The following ZBTB46 variants were observed in gnomAD, a reference collection of about 807,000 sequenced individuals.
ZBTB46 encodes zinc finger and BTB domain-containing protein 46.
ZBTB46 carries 8 observed loss-of-function variants against 44.1 expected under a neutral mutation model. The observed-to-expected ratio is 0.18, with a 90% CI of 0.11 to 0.33. The LOEUF is 0.33. ZBTB46 is among the 10% of genes least tolerant of loss of function. The pLI, the probability that ZBTB46 is intolerant of heterozygous loss-of-function variation, is 1.00. For missense variants in ZBTB46, 651 were observed against 847.7 expected, an observed-to-expected ratio of 0.77 and a Z score of 2.88; for synonymous variants, 409 against 382.3, an observed-to-expected ratio of 1.07 and a Z score of -0.81.
At position 63,782,096 on chromosome 20, in the gene ZBTB46, A is replaced by AAAAAAAAAAAAAAAAAAG. The variant is rs1386082316; in HGVS notation, c.938-6135_938-6134insCTTTTTTTTTTTTTTTTT. ...AGCAAGACTCCGTCTCAAAAAAAAA[A>AAAAAAAAAAAAAAAAAAG]AAAAGAAAAGAGGCGTGGCGATTTT... On this transcript the variant is annotated intron_variant, in intron 2 of 4. Transcript: ENST00000245663. Among the ~76,000 whole-genome samples the AAAAAAAAAAAAAAAAAAG allele has an allele frequency of 2.4e-4, 30 of 124,958 alleles. 1 individual carries two copies. The highest frequency in any genetic ancestry group is 3.2e-4 in the Non-Finnish European group (19 of 59,626). The allele number at this position is 124,958 out of a possible 152,430, so 82.0% of individuals were successfully genotyped here.
chr20:63,822,439 G>A (rs753377046), intron 1 of ZBTB46, among the ~76,000 whole-genome samples: 4 of 152,212 alleles, frequency 2.6e-5, no homozygotes, highest in African/African-American at 4.8e-5. Context: ...CCCTGGGACT[G>A]ATGGGCTCTA....
At position 63,767,864 on chromosome 20, in the gene ZBTB46, ACTC is replaced by A; in HGVS notation, c.1222+7811_1222+7813del. On this transcript the variant is annotated intron_variant, in intron 3 of 4. Transcript: ENST00000245663. This position sits in a 1 kb window ranked among gnomAD's most constrained non-coding sequence, Gnocchi z 5.0. ...CCATCCAGGCCTGGGCTGGAAGAAG[ACTC>A]CTCAGGCATCCTGGACAGGCCACAG... 1 of 984,154 alleles carries A rather than the reference ACTC, an allele frequency of 1.0e-6. No individual in the cohort carries two copies. The highest frequency in any genetic ancestry group is 1.2e-6 in the Non-Finnish European group (1 of 829,020). The allele number at this position is 984,154 out of a possible 1,614,324, so 61.0% of individuals were successfully genotyped here. A position where few individuals can be genotyped will look rare whatever the true frequency, so the allele number is the denominator to read the frequency against.
chr20:63,763,564 G>A (rs187229960), intron 3 of ZBTB46, among the ~76,000 whole-genome samples: 20 of 152,206 alleles, frequency 1.3e-4, no homozygotes, highest in African/African-American at 3.1e-4. Context: ...TTAATCGACC[G>A]GATCTTGTGA....
intron 1 of ZBTB46, among the ~76,000 whole-genome samples, chr20:63,830,644 G>C (rs1280800548): frequency 2.7e-5 from 4 of 149,238 alleles, no homozygotes; most frequent in African/African-American, 9.8e-5. Context: ...GGCGGGGGGC[G>C]CCAAGACGCC....
intron 3 of ZBTB46, among the ~76,000 whole-genome samples, chr20:63,756,384 A>G (rs2092220580): frequency 6.6e-6 from 1 of 152,228 alleles, no homozygotes; most frequent in Non-Finnish European, 1.5e-5. Context: ...AGTCTTCATC[A>G]CAAAACCATC....
chr20:63,830,463 G>A (rs2092843196), intron 1 of ZBTB46, among the ~76,000 whole-genome samples: 1 of 150,634 alleles, frequency 6.6e-6, no homozygotes, highest in African/African-American at 2.4e-5. Flanking sequence ...GCCCCGGTTC[G>A]GCCGGCGATT....
intron 1 of ZBTB46, among the ~76,000 whole-genome samples, chr20:63,792,011 C>T (rs1322835225): frequency 5.9e-5 from 9 of 152,306 alleles, no homozygotes; most frequent in East Asian, 1.9e-4. Flanking sequence ...GTGGAGGCAT[C>T]GCACGAGCTC....
intron 1 of ZBTB46, among the ~76,000 whole-genome samples, chr20:63,792,218 G>T (rs1417261067): frequency 1.3e-5 from 2 of 152,118 alleles, no homozygotes; most frequent in East Asian, 3.9e-4. Context: ...CAGACAAATC[G>T]TAAGGGGACA....
At chr20:63,807,360 G>C (rs144149700) in intron 1 of ZBTB46, among the ~76,000 whole-genome samples, 55 of 151,830 alleles carry the variant, frequency 3.6e-4, no homozygotes, top group African/African-American at 1.3e-3. Context: ...GTTTCTTCTT[G>C]AGTCAGTTTG....
At chr20:63,817,067 T>C (rs1025052191) in intron 1 of ZBTB46, among the ~76,000 whole-genome samples, 1 of 151,334 alleles carries the variant, frequency 6.6e-6, no homozygotes, top group African/African-American at 2.4e-5. Flanking sequence ...ATCGCGCCAC[T>C]GCAGTCCAGC....
chr20:63,823,858 T>TTGTGTGTGTGTGTGTGTGTGTGTGTG (rs11474683), intron 1 of ZBTB46, among the ~76,000 whole-genome samples: 2,110 of 144,696 alleles, frequency 0.015, 37 homozygotes, highest in Non-Finnish European at 0.018. Context: ...TCTAGGAACC[T>TTGTGTGTGTGTGTGTGTGTGTGTGTG]TGTGTGTGTG....
At chr20:63,830,560 C>T (rs972487093) in intron 1 of ZBTB46, among the ~76,000 whole-genome samples, 1 of 150,408 alleles carries the variant, frequency 6.6e-6, no homozygotes, top group African/African-American at 2.4e-5. Flanking sequence ...CGCCCACCTC[C>T]CGCAGTTCCG....
At chr20:63,773,062 A>T (rs1226371982) in intron 3 of ZBTB46, among the ~76,000 whole-genome samples, 1 of 152,160 alleles carries the variant, frequency 6.6e-6, no homozygotes, top group East Asian at 1.9e-4. Context: ...CACAGCTCGT[A>T]TGCCACGGGT....
upstream of ZBTB46, among the ~76,000 whole-genome samples, chr20:63,833,848 G>A (rs939142306): frequency 6.6e-6 from 1 of 152,242 alleles, no homozygotes; most frequent in Non-Finnish European, 1.5e-5. Context: ...CCTACAGACC[G>A]TTATTCCAAG....
chr20:63,768,538 T>C (rs530309345), intron 3 of ZBTB46, among the ~76,000 whole-genome samples: 3 of 151,552 alleles, frequency 2.0e-5, no homozygotes, highest in Admixed American at 6.6e-5. Flanking sequence ...ACCCCGAAGG[T>C]GGAGGTTGCA....
At chr20:63,798,876 A>T (rs2092623508) in intron 1 of ZBTB46, among the ~76,000 whole-genome samples, 1 of 151,554 alleles carries the variant, frequency 6.6e-6, no homozygotes, top group African/African-American at 2.4e-5. Flanking sequence ...TAACAGATAA[A>T]TCACCATTTT....
chr20:63,789,127 CAA>C (rs77975067), intron 2 of ZBTB46, among the ~76,000 whole-genome samples: 4 of 138,004 alleles, frequency 2.9e-5, no homozygotes, highest in African/African-American at 5.3e-5. Flanking sequence ...GAGACTGTCT[CAA>C]AAAAAAAAAG....
At chr20:63,772,756 CACACA>C in intron 3 of ZBTB46, among the ~76,000 whole-genome samples, 1 of 66,692 alleles carries the variant, frequency 1.5e-5, no homozygotes, top group Non-Finnish European at 3.4e-5. Context: ...CACACACACA[CACACA>C]CACACAGAAG....
At chr20:63,785,539 G>A (rs932209218) in intron 2 of ZBTB46, among the ~76,000 whole-genome samples, 4 of 152,210 alleles carry the variant, frequency 2.6e-5, no homozygotes, top group Non-Finnish European at 5.9e-5. Context: ...CAGCCTGGGT[G>A]ACAGTGACGC....
Sources: allele counts gnomAD v4.1 joint callset (sites outside exome capture counted in the v4.1 genomes callset), GRCh38; gene constraint gnomAD v4.1.1; non-coding constraint Gnocchi (gnomAD v3.1); transcripts MANE v1.5; gene names NCBI Gene and HGNC (gene_info 2026-07-23, HGNC 2026-07-21).